C1orf21: variants seen among roughly 807,000 people sequenced by gnomAD.
C1orf21 encodes the protein uncharacterized protein C1orf21.
In C1orf21, 3 loss-of-function variants were observed where a neutral mutation model predicts 18.7. The ratio of observed to expected loss-of-function variants is 0.16; its 90% confidence interval spans 0.07 to 0.42. C1orf21 has a LOEUF of 0.42. Among genes scored for constraint, C1orf21 ranks in the 10% least tolerant of loss-of-function variants. The pLI, the probability that C1orf21 is intolerant of heterozygous loss-of-function variation, is 0.99. For missense variants in C1orf21, 104 were observed against 143.6 expected, an observed-to-expected ratio of 0.72 and a Z score of 1.41; for synonymous variants, 41 against 46.4, an observed-to-expected ratio of 0.88 and a Z score of 0.47.
chr1:184,407,491 G>T (rs1032059109), intron 1 of C1orf21, among the ~76,000 whole-genome samples: 41 of 152,326 alleles, frequency 2.7e-4, no homozygotes, highest in African/African-American at 9.6e-4. Context: ...TAAGCTAAAT[G>T]AGACTTTCCC....
At chr1:184,578,993 TAAAAA>T (rs67905484) in intron 3 of C1orf21, among the ~76,000 whole-genome samples, 3 of 121,684 alleles carry the variant, frequency 2.5e-5, no homozygotes, top group Non-Finnish European at 1.7e-5. Context: ...TTGTGAAGGT[TAAAAA>T]AAAAAAAAAA....
intron 5 of C1orf21, among the ~76,000 whole-genome samples, chr1:184,617,910 T>TG (rs1558016309): frequency 7.0e-6 from 1 of 143,088 alleles, no homozygotes; most frequent in Non-Finnish European, 1.5e-5. Context: ...TGTTGTTTTT[T>TG]TTTTTTTTTT....
At chr1:184,492,536 T>C (rs1221655961) in intron 2 of C1orf21, among the ~76,000 whole-genome samples, 1 of 152,212 alleles carries the variant, frequency 6.6e-6, no homozygotes, top group Non-Finnish European at 1.5e-5. Flanking sequence ...GTTGACCAAA[T>C]TGTTAATTGC....
At chr1:184,492,199 T>C (rs1404268433) in intron 2 of C1orf21, among the ~76,000 whole-genome samples, 1 of 152,232 alleles carries the variant, frequency 6.6e-6, no homozygotes, top group Admixed American at 6.5e-5. Flanking sequence ...GAGAAGCCAT[T>C]GACTTGCCTG....
At chr1:184,612,587 G>A (rs769791985) in intron 5 of C1orf21, among the ~76,000 whole-genome samples, 4 of 152,194 alleles carry the variant, frequency 2.6e-5, no homozygotes, top group Admixed American at 6.5e-5. Context: ...TTAGCCAGGC[G>A]TGGTGGTGCA....
intron 3 of C1orf21, among the ~76,000 whole-genome samples, chr1:184,541,376 C>G (rs907318883): frequency 1.3e-5 from 2 of 152,180 alleles, no homozygotes; most frequent in Non-Finnish European, 2.9e-5. Flanking sequence ...CCTCAATGAT[C>G]ATACTTTCTT....
intron 5 of C1orf21, among the ~76,000 whole-genome samples, chr1:184,607,680 TAC>T (rs1176326011): frequency 6.6e-6 from 1 of 150,946 alleles, no homozygotes; most frequent in South Asian, 2.1e-4. Flanking sequence ...TGTATATATA[TAC>T]ATATATGTGT....
chr1:184,392,549 T>C (rs1655984205), intron 1 of C1orf21, among the ~76,000 whole-genome samples: 2 of 152,126 alleles, frequency 1.3e-5, no homozygotes, highest in South Asian at 2.1e-4. Context: ...CTACACAATA[T>C]ATCCATGTCA....
At chr1:184,406,449 T>C (rs2101959639) in intron 1 of C1orf21, among the ~76,000 whole-genome samples, 1 of 152,182 alleles carries the variant, frequency 6.6e-6, no homozygotes, top group East Asian at 1.9e-4. Context: ...GAAAATGAAA[T>C]TTGTATTAGA....
At chr1:184,509,280 C>A (rs1027072811) in intron 3 of C1orf21, among the ~76,000 whole-genome samples, 1 of 152,196 alleles carries the variant, frequency 6.6e-6, no homozygotes, top group African/African-American at 2.4e-5. Context: ...AATCTGTCAA[C>A]TACTTGGTAC....
intron 1 of C1orf21, among the ~76,000 whole-genome samples, chr1:184,404,461 T>C (rs1656211210): frequency 6.6e-6 from 1 of 152,142 alleles, no homozygotes; most frequent in Admixed American, 6.5e-5. Flanking sequence ...CCTTGAATGC[T>C]GCATCCTCCA....
chr1:184,607,801 A>G (rs1381130682), intron 5 of C1orf21, among the ~76,000 whole-genome samples: 3 of 151,784 alleles, frequency 2.0e-5, no homozygotes, highest in African/African-American at 7.3e-5. Context: ...TTCAAATACA[A>G]TTATTAAGTG....
At chr1:184,591,341 T>G (rs1659433200) in intron 4 of C1orf21, among the ~76,000 whole-genome samples, 1 of 152,158 alleles carries the variant, frequency 6.6e-6, no homozygotes, top group Non-Finnish European at 1.5e-5. Context: ...AAAGCTGACT[T>G]TGTAGGCCAG....
chr1:184,437,376 T>G (rs889715532), intron 1 of C1orf21, among the ~76,000 whole-genome samples: 2 of 152,148 alleles, frequency 1.3e-5, no homozygotes, highest in African/African-American at 2.4e-5. Flanking sequence ...AATCCTTGTC[T>G]CATAAGAAGT....
intron 1 of C1orf21, among the ~76,000 whole-genome samples, chr1:184,414,194 C>A (rs1656409746): frequency 6.6e-6 from 1 of 152,138 alleles, no homozygotes; most frequent in Non-Finnish European, 1.5e-5. Context: ...TGGTGGGGTA[C>A]AACCATGGCT....
At position 184,527,368 on chromosome 1, in the gene C1orf21, G is replaced by T. The variant is rs138189212; in HGVS notation, c.189+19686G>T. Among the ~76,000 whole-genome samples the T allele has an allele frequency of 6.5e-3, 986 of 152,268 alleles. 7 individuals carry two copies. The highest frequency in any genetic ancestry group is 9.2e-3 in the Non-Finnish European group (624 of 68,020). On this transcript the variant is annotated intron_variant, in intron 3 of 5. Coordinates refer to ENST00000235307, the MANE Select transcript of C1orf21 (RefSeq NM_030806.4). Reference sequence around the variant, plus strand: ...AGTCTGGAAGAAACAGGCTGGTAAAGGAGCATAAAAATAATATATTACACA... The same window carrying T: ...AGTCTGGAAGAAACAGGCTGGTAAATGAGCATAAAAATAATATATTACACA...
At chr1:184,614,802 G>A (rs943394432) in intron 5 of C1orf21, among the ~76,000 whole-genome samples, 6 of 152,172 alleles carry the variant, frequency 3.9e-5, no homozygotes, top group Non-Finnish European at 7.4e-5. Flanking sequence ...TCACATGCAC[G>A]GTTCACAGTA....
intron 3 of C1orf21, chr1:184,568,395 A>C (rs1381131605): frequency 4.3e-6 from 2 of 469,470 alleles, no homozygotes; most frequent in East Asian, 6.9e-5. Flanking sequence ...CGCTGTTCCC[A>C]GTCACTGGCA....
chr1:184,438,031 TA>T (rs1389493294), intron 1 of C1orf21, among the ~76,000 whole-genome samples: 2 of 152,068 alleles, frequency 1.3e-5, no homozygotes, highest in African/African-American at 4.8e-5. Flanking sequence ...CTGCTGTAAA[TA>T]CAGATGAAGC....
Sources: allele counts gnomAD v4.1 joint callset (sites outside exome capture counted in the v4.1 genomes callset), GRCh38; gene constraint gnomAD v4.1.1; transcripts MANE v1.5; gene names NCBI Gene and HGNC (gene_info 2026-07-23, HGNC 2026-07-21).